ARSF: variants seen among roughly 807,000 people sequenced by gnomAD.
ARSF encodes arylsulfatase F.
A neutral mutation model predicts 35.4 loss-of-function variants in ARSF; 33 were observed. The ratio of observed to expected loss-of-function variants is 0.93; its 90% CI spans 0.71 to 1.25. The LOEUF is 1.25. ARSF is among the 50% of genes most tolerant of loss of function. The pLI is 0.00. For synonymous variants in ARSF, 222 were observed against 193.1 expected, an observed-to-expected ratio of 1.15 and a Z score of -1.24; for missense variants, 501 against 480.2, an observed-to-expected ratio of 1.04 and a Z score of -0.40.
chrX:3,065,515 T>C (rs1415146987), intron 1 of ARSF, among the ~76,000 whole-genome samples: 1 of 108,909 alleles, frequency 9.2e-6, no homozygotes, highest in African/African-American at 3.3e-5. Flanking sequence ...CAGGTGCCTG[T>C]AATTCCAGCT....
intron 10 of ARSF, among the ~76,000 whole-genome samples, chrX:3,110,629 G>A (rs901191710): frequency 1.8e-5 from 2 of 112,348 alleles, no homozygotes; most frequent in Non-Finnish European, 3.8e-5. Flanking sequence ...AGGTGTGGTG[G>A]ATCACGCCTG....
Position 3,069,729 on chromosome X carries a change from C to T in ARSF, c.11+1618C>T, listed in dbSNP as rs867808416. On this transcript the variant is annotated intron_variant, in intron 2 of 10. Transcript: ENST00000381127. Reference sequence around the variant, plus strand: ...AATTCATTTTTCTTTTTATTTTTTTCCTTTTTAAATTTCTTTTTCTTTTTT... The same window carrying T: ...AATTCATTTTTCTTTTTATTTTTTTTCTTTTTAAATTTCTTTTTCTTTTTT... Among the ~76,000 whole-genome samples, 23 of 99,156 alleles carry T rather than the reference C, an allele frequency of 2.3e-4. 1 individual carries two copies. Among genetic ancestry groups the T allele is most frequent in the African/African-American group, 8.8e-4 (23 of 26,266 alleles). 86.1% of individuals were successfully genotyped at this position (99,156 alleles called of 115,157 possible). A position where few individuals can be genotyped will look rare whatever the true frequency, so the allele number is the denominator to read the frequency against.
At chrX:3,066,425 G>C (rs995510755) in intron 1 of ARSF, among the ~76,000 whole-genome samples, 4 of 111,186 alleles carry the variant, frequency 3.6e-5, no homozygotes, top group African/African-American at 1.3e-4. Flanking sequence ...ACCACCTTTA[G>C]TTGGGAGCAC....
chrX:3,082,311 T>A (rs1363783260), intron 5 of ARSF, among the ~76,000 whole-genome samples: 1 of 111,642 alleles, frequency 9.0e-6, no homozygotes, highest in African/African-American at 3.3e-5. Context: ...TATCTATAGC[T>A]ATCATCGGTC....
chrX:3,089,986 A>G (rs888085688), intron 7 of ARSF, among the ~76,000 whole-genome samples: 9 of 111,144 alleles, frequency 8.1e-5, no homozygotes, highest in Admixed American at 6.7e-4. Context: ...GTATTACGTG[A>G]TGCTGAGGTT....
chrX:3,101,897 C>A (rs2090378927), intron 8 of ARSF, among the ~76,000 whole-genome samples: 1 of 111,485 alleles, frequency 9.0e-6, no homozygotes, highest in East Asian at 2.8e-4. Flanking sequence ...TATCATATGT[C>A]TTGAGAGAGA....
At chrX:3,073,356 T>C (rs184553052) in intron 3 of ARSF, among the ~76,000 whole-genome samples, 1,908 of 100,976 alleles carry the variant, frequency 0.019, 23 homozygotes, top group Middle Eastern at 0.063. Context: ...TCTCTGCATT[T>C]GACAAATAAG....
chrX:3,103,478 G>A lies in ARSF; in HGVS notation c.1103-284G>A, dbSNP rs748505654. Reference sequence around the variant, plus strand: ...ATGAGGGAGGTTGGAAATGAAGTAGGTGTATATTTGAGATAAGAACACTTT... The same window carrying A: ...ATGAGGGAGGTTGGAAATGAAGTAGATGTATATTTGAGATAAGAACACTTT... On this transcript the variant is annotated intron_variant, in intron 8 of 10. Transcript: ENST00000381127. 4.5e-5 allele frequency among the ~76,000 whole-genome samples: 5 copies of A among 111,148 alleles called. No homozygotes were observed. The South Asian group carries it at 1.9e-3, about 43-fold the overall frequency.
chrX:3,102,606 ATT>A (rs1231618613), intron 8 of ARSF, among the ~76,000 whole-genome samples: 1 of 112,385 alleles, frequency 8.9e-6, no homozygotes, highest in African/African-American at 3.2e-5. Context: ...CATGTTAGAC[ATT>A]GTATGTTTGC....
At chrX:3,049,008 A>G (rs1462998874) in intron 1 of ARSF, among the ~76,000 whole-genome samples, 4 of 112,190 alleles carry the variant, frequency 3.6e-5, no homozygotes, top group African/African-American at 1.3e-4. Context: ...GATGCTACCA[A>G]AAGACTAGGG....
At position 3,089,651 on chromosome X, in the gene ARSF, G is replaced by A; in HGVS notation, c.967+19G>A. 1 of 1,209,046 alleles carries A rather than the reference G, an allele frequency of 8.3e-7. No homozygotes were observed. Among genetic ancestry groups the A allele is most frequent in the South Asian group, 1.8e-5 (1 of 56,874 alleles). On this transcript the variant is annotated intron_variant, in intron 7 of 10. Transcript: ENST00000381127. ...ATGGTGGGTAAGTCACAGGACTTAA[G>A]TGGACAGAAACTAACGTGTTCTGAT...
At chrX:3,098,804 T>C (rs191918644) in intron 7 of ARSF, among the ~76,000 whole-genome samples, 69 of 111,465 alleles carry the variant, frequency 6.2e-4, no homozygotes, top group Admixed American at 1.1e-3. Flanking sequence ...AAATTGGTGG[T>C]CTTTATTTTC....
chrX:3,079,917 C>T (rs1321547414), intron 4 of ARSF, among the ~76,000 whole-genome samples: 1 of 97,600 alleles, frequency 1.0e-5, no homozygotes, highest in Admixed American at 1.2e-4. Context: ...TGAGATCATG[C>T]CACTGCACTC....
chrX:3,063,486 T>A lies in ARSF; in HGVS notation c.-28-4587T>A, dbSNP rs140334548. On this transcript the variant is annotated intron_variant, in intron 1 of 10. Coordinates refer to ENST00000381127, the MANE Select transcript of ARSF (RefSeq NM_001201539.2). Reference sequence around the variant, plus strand: ...CAGGCAAGAGAAAGAAAGAAAGGGTTTTCAATTAGGAAAAGAGGAAGTCGA... The same window carrying A: ...CAGGCAAGAGAAAGAAAGAAAGGGTATTCAATTAGGAAAAGAGGAAGTCGA... 9.4e-3 allele frequency among the ~76,000 whole-genome samples: 1,051 copies of A among 111,369 alleles called. 16 individuals carry two copies. The highest frequency in any genetic ancestry group is 0.032 in the African/African-American group (997 of 30,681).
rs145247238 is a variant in ARSF at position 3,050,716 on chromosome X, C to T, written c.-29+9053C>T. Among the ~76,000 whole-genome samples the T allele has an allele frequency of 4.1e-3, 454 of 110,856 alleles. 3 individuals are homozygous for T. The highest frequency in any genetic ancestry group is 0.014 in the African/African-American group (429 of 30,473). ...TGTGTCCCTTCTCCGCTGAGTCTTCCCTTGGGGTTGGGCTGTCCACATGCA... is the reference window on the plus strand; with the variant it reads ...TGTGTCCCTTCTCCGCTGAGTCTTCTCTTGGGGTTGGGCTGTCCACATGCA... On this transcript the variant is annotated intron_variant, in intron 1 of 10. Coordinates refer to ENST00000381127, the MANE Select transcript of ARSF (RefSeq NM_001201539.2).
chrX:3,076,103 GTTTCTCTCTCTCTGTC>G (rs1382869106), intron 3 of ARSF, among the ~76,000 whole-genome samples: 2 of 100,886 alleles, frequency 2.0e-5, no homozygotes, highest in Middle Eastern at 6.1e-3. Context: ...CTCTCTTTCT[GTTTCTCTCTCTCTGTC>G]TTTCTCTCTC....
chrX:3,109,604 C>T (rs1056015794), intron 9 of ARSF, among the ~76,000 whole-genome samples: 34 of 110,359 alleles, frequency 3.1e-4, no homozygotes, highest in Non-Finnish European at 5.5e-4. Flanking sequence ...TCCTGCTTTT[C>T]GGAGCCCCCC....
chrX:3,040,662 G>A (rs1168780790), upstream of ARSF, among the ~76,000 whole-genome samples: 1 of 110,949 alleles, frequency 9.0e-6, no homozygotes, highest in Non-Finnish European at 1.9e-5. Flanking sequence ...ACCACCCCTG[G>A]GTGGTAGGGG....
intron 5 of ARSF, among the ~76,000 whole-genome samples, chrX:3,082,835 A>T (rs1256483527): frequency 9.0e-6 from 1 of 111,180 alleles, no homozygotes; most frequent in African/African-American, 3.3e-5. Flanking sequence ...TCCACCCACA[A>T]CACAGATCTA....
Sources: allele counts gnomAD v4.1 joint callset (sites outside exome capture counted in the v4.1 genomes callset), GRCh38; gene constraint gnomAD v4.1.1; transcripts MANE v1.5; gene names NCBI Gene and HGNC (gene_info 2026-07-23, HGNC 2026-07-21).